CPNE8: variants seen among roughly 807,000 people sequenced by gnomAD.
CPNE8 encodes copine-8.
In CPNE8, 45 loss-of-function variants were observed where a neutral mutation model predicts 81.5. That is an observed-to-expected ratio of 0.55 (90% CI 0.44 to 0.71). The LOEUF (loss-of-function observed/expected upper bound fraction) is 0.71, where lower values mean the gene tolerates loss of function less well. Among genes scored for constraint, CPNE8 ranks in the 30% least tolerant of loss-of-function variants. The pLI is 0.00. For synonymous variants in CPNE8, 252 were observed against 226.3 expected, an observed-to-expected ratio of 1.11 and a Z score of -1.02; for missense variants, 594 against 672.1, an observed-to-expected ratio of 0.88 and a Z score of 1.28.
chr12:38,654,938 T>C (rs1453890652), intron 19 of CPNE8, among the ~76,000 whole-genome samples: 1 of 152,172 alleles, frequency 6.6e-6, no homozygotes, highest in Non-Finnish European at 1.5e-5. Context: ...ACTATGAATA[T>C]AGAATTCACA....
upstream of CPNE8, chr12:38,905,984 C>A (rs1396978145): frequency 1.1e-5 from 11 of 985,440 alleles, no homozygotes; most frequent in Non-Finnish European, 1.3e-5. Flanking sequence ...CACACCCACA[C>A]TCGCCTCCTG....
rs1421203013 is a variant in CPNE8 at position 38,714,025 on chromosome 12, T to C, written c.914+9747A>G. ...GAGATGTGGAAAACTTTATAGATATTTGTTCCTTAGTTACGGGGATGGGGA... is the reference window on the plus strand; with the variant it reads ...GAGATGTGGAAAACTTTATAGATATCTGTTCCTTAGTTACGGGGATGGGGA... On this transcript the variant is annotated intron_variant, in intron 13 of 19. Coordinates refer to ENST00000331366, the MANE Select transcript of CPNE8 (RefSeq NM_153634.3). Among the ~76,000 whole-genome samples, 5 of 152,136 alleles carry C rather than the reference T, an allele frequency of 3.3e-5. No individual in the cohort carries two copies. The East Asian group carries it at 9.6e-4, about 29-fold the overall frequency.
At chr12:38,777,875 A>T (rs1366059098) in intron 6 of CPNE8, among the ~76,000 whole-genome samples, 3 of 152,182 alleles carry the variant, frequency 2.0e-5, no homozygotes, top group Non-Finnish European at 4.4e-5. Flanking sequence ...CGCTGGCATT[A>T]CTACCTGAGC....
At chr12:38,806,281 C>T (rs1433852679) in intron 6 of CPNE8, among the ~76,000 whole-genome samples, 1 of 150,096 alleles carries the variant, frequency 6.7e-6, no homozygotes, top group Non-Finnish European at 1.5e-5. Context: ...GATACCAAAG[C>T]CAGGCAGAGA....
chr12:38,795,953 G>C (rs1417939364), intron 6 of CPNE8, among the ~76,000 whole-genome samples: 1 of 152,070 alleles, frequency 6.6e-6, no homozygotes, highest in Non-Finnish European at 1.5e-5. Flanking sequence ...ATACAAGACT[G>C]TGTAACATTT....
At chr12:38,855,888 C>G (rs57950648) in intron 3 of CPNE8, among the ~76,000 whole-genome samples, 21,200 of 151,670 alleles carry the variant, frequency 0.14, 2,399 homozygotes, top group African/African-American at 0.31. Context: ...CTCTAAAATT[C>G]AATGAAACAA....
At chr12:38,782,931 T>C (rs1942087254) in intron 6 of CPNE8, among the ~76,000 whole-genome samples, 1 of 152,100 alleles carries the variant, frequency 6.6e-6, no homozygotes, top group Non-Finnish European at 1.5e-5. Flanking sequence ...CCTCCAGAAT[T>C]GACCTCCCAA....
intron 13 of CPNE8, among the ~76,000 whole-genome samples, chr12:38,720,043 T>C (rs1329077415): frequency 6.6e-6 from 1 of 152,170 alleles, no homozygotes; most frequent in Non-Finnish European, 1.5e-5. Context: ...TGGAGTGCAG[T>C]GGTGCGATCT....
intron 6 of CPNE8, among the ~76,000 whole-genome samples, chr12:38,780,100 G>A (rs991531955): frequency 6.6e-6 from 1 of 152,036 alleles, no homozygotes; most frequent in Non-Finnish European, 1.5e-5. Context: ...ATGGTGTAAA[G>A]TAAGGGTCCA....
intron 1 of CPNE8, among the ~76,000 whole-genome samples, chr12:38,877,743 A>G (rs2137115276): frequency 6.6e-6 from 1 of 152,302 alleles, no homozygotes; most frequent in African/African-American, 2.4e-5. Flanking sequence ...TAGCATAACT[A>G]AAGCCGAGGC....
intron 1 of CPNE8, among the ~76,000 whole-genome samples, chr12:38,877,860 T>C (rs1331462084): frequency 4.6e-5 from 7 of 152,156 alleles, no homozygotes; most frequent in Non-Finnish European, 1.0e-4. Context: ...TGAGACCTGC[T>C]AGGCTGCATT....
At position 38,805,461 on chromosome 12, in the gene CPNE8, T is replaced by C. The variant is rs1159918728; in HGVS notation, c.407+23918A>G. Reference sequence around the variant, plus strand: ...TCACTCATAGGTGGGAATTGAACAATGAGATCACATGGACACAGGAAGGGG... The same window carrying C: ...TCACTCATAGGTGGGAATTGAACAACGAGATCACATGGACACAGGAAGGGG... On this transcript the variant is annotated intron_variant, in intron 6 of 19. Transcript: ENST00000331366. Among the ~76,000 whole-genome samples, 20 of 82,506 alleles carry C rather than the reference T, an allele frequency of 2.4e-4. 2 individuals are homozygous for C. The East Asian group carries it at 8.9e-3, about 37-fold the overall frequency. The allele number at this position is 82,506 out of a possible 152,430, so 54.1% of individuals were successfully genotyped here.
chr12:38,870,481 TG>T (rs1484429533), intron 3 of CPNE8, among the ~76,000 whole-genome samples: 1 of 152,208 alleles, frequency 6.6e-6, no homozygotes, highest in Non-Finnish European at 1.5e-5. Context: ...GATGAGTTCA[TG>T]TCCTTTGCAG....
intron 11 of CPNE8, among the ~76,000 whole-genome samples, 156 bp downstream of exon 11, chr12:38,730,127 T>C (rs1940797205): frequency 6.6e-6 from 1 of 152,044 alleles, no homozygotes; most frequent in Non-Finnish European, 1.5e-5. Context: ...AGTAATATCA[T>C]TGAATCTAAA....
chr12:38,878,276 A>G (rs1018315330), intron 1 of CPNE8, among the ~76,000 whole-genome samples: 10 of 152,170 alleles, frequency 6.6e-5, no homozygotes, highest in Non-Finnish European at 1.2e-4. Context: ...TTTCTTGGGC[A>G]ACATCCAAGA....
intron 13 of CPNE8, among the ~76,000 whole-genome samples, chr12:38,713,458 C>T (rs1217124713): frequency 6.6e-6 from 1 of 152,096 alleles, no homozygotes; most frequent in African/African-American, 2.4e-5. Flanking sequence ...AAGCCTGGTC[C>T]ATCTGTTTTA....
intron 5 of CPNE8, among the ~76,000 whole-genome samples, chr12:38,832,592 G>A (rs987975736): frequency 1.3e-5 from 2 of 152,190 alleles, no homozygotes; most frequent in African/African-American, 4.8e-5. Context: ...ACCTCGGCCT[G>A]TTGCTCTTGC....
intron 13 of CPNE8, among the ~76,000 whole-genome samples, chr12:38,704,826 G>GTATATATATATATA (rs573232937): frequency 1.6e-3 from 81 of 50,150 alleles, no homozygotes; most frequent in Non-Finnish European, 2.8e-3. Context: ...GTATGTATGT[G>GTATATATATATATA]TATATATATA....
intron 16 of CPNE8, among the ~76,000 whole-genome samples, chr12:38,680,784 T>A (rs1939392211): frequency 6.6e-6 from 1 of 152,006 alleles, no homozygotes; most frequent in Non-Finnish European, 1.5e-5. Context: ...TAAGATTGAA[T>A]AAATAAAGCA....
Sources: gnomAD v4.1 joint callset for allele counts (sites outside exome capture counted in the v4.1 genomes callset) on GRCh38, gnomAD v4.1.1 for gene constraint, MANE v1.5 for transcripts, NCBI Gene and HGNC (gene_info 2026-07-23, HGNC 2026-07-21) for gene names.